VDR: variants seen among roughly 807,000 people sequenced by gnomAD.
VDR encodes vitamin D3 receptor.
A neutral mutation model predicts 39.7 loss-of-function variants in VDR; 19 were observed. The observed-to-expected ratio is 0.48, with a 90% CI of 0.33 to 0.70. The LOEUF (loss-of-function observed/expected upper bound fraction) is 0.70. Ranked by LOEUF, VDR falls within the 30% of genes least tolerant of loss-of-function variation. The pLI, the probability that VDR is intolerant of heterozygous loss-of-function variation, is 0.02. For missense variants in VDR, 442 were observed against 570.5 expected, an observed-to-expected ratio of 0.77 and a Z score of 2.29; for synonymous variants, 242 against 215.8, an observed-to-expected ratio of 1.12 and a Z score of -1.07.
At chr12:47,870,967 C>T (rs1351002142) in intron 3 of VDR, among the ~76,000 whole-genome samples, 2 of 152,166 alleles carry the variant, frequency 1.3e-5, no homozygotes, top group East Asian at 1.9e-4. Context: ...AAAAGACCTA[C>T]ATCAAATGAT....
intron 7 of VDR, among the ~76,000 whole-genome samples, chr12:47,850,830 G>A (rs576366863): frequency 5.3e-5 from 8 of 151,976 alleles, no homozygotes; most frequent in South Asian, 4.2e-4. Context: ...TTGCTGTTTC[G>A]TCTTTCCCAC....
At chr12:47,886,202 CAGG>C (rs1946249289) in intron 1 of VDR, among the ~76,000 whole-genome samples, 1 of 152,228 alleles carries the variant, frequency 6.6e-6, no homozygotes, top group African/African-American at 2.4e-5. Flanking sequence ...TGGGCTTTTC[CAGG>C]AGAAGATATG....
chr12:47,874,549 C>A (rs903519000), intron 3 of VDR, among the ~76,000 whole-genome samples: 4 of 152,204 alleles, frequency 2.6e-5, no homozygotes, highest in African/African-American at 9.7e-5. Flanking sequence ...TAACAAAGTC[C>A]TCAAGAACCT....
At chr12:47,885,658 A>G (rs1946238545) in intron 1 of VDR, among the ~76,000 whole-genome samples, 2 of 152,234 alleles carry the variant, frequency 1.3e-5, no homozygotes, top group Non-Finnish European at 2.9e-5. Context: ...CTCTGAGAGC[A>G]TGCAACTCCA....
intron 3 of VDR, among the ~76,000 whole-genome samples, chr12:47,874,332 C>A (rs1177776659): frequency 6.6e-6 from 1 of 152,196 alleles, no homozygotes; most frequent in Non-Finnish European, 1.5e-5. Flanking sequence ...GCTGTTCCTC[C>A]CTTTTTTCTC....
At chr12:47,875,408 C>T (rs1433008501) in intron 3 of VDR, among the ~76,000 whole-genome samples, 1 of 152,202 alleles carries the variant, frequency 6.6e-6, no homozygotes, top group Non-Finnish European at 1.5e-5. Flanking sequence ...CCTGTCATCT[C>T]TGTGTTCCCA....
chr12:47,891,001 G>A (rs555611663), intron 1 of VDR, among the ~76,000 whole-genome samples: 5 of 152,222 alleles, frequency 3.3e-5, no homozygotes, highest in Admixed American at 2.6e-4. Flanking sequence ...CCCTATCCAG[G>A]GTGGCCAGGC....
chr12:47,872,855 G>T (rs1183839893), intron 3 of VDR, among the ~76,000 whole-genome samples: 1 of 152,230 alleles, frequency 6.6e-6, no homozygotes, highest in Non-Finnish European at 1.5e-5. Context: ...ACCACTGGAA[G>T]CTTTCTAGGT....
intron 7 of VDR, among the ~76,000 whole-genome samples, chr12:47,853,640 T>G (rs1276529678): frequency 6.6e-6 from 1 of 151,396 alleles, no homozygotes; most frequent in Non-Finnish European, 1.5e-5. Context: ...CTGTAATTTC[T>G]GCTACTCAGG....
At chr12:47,896,159 A>G (rs1026964212) in intron 1 of VDR, among the ~76,000 whole-genome samples, 4 of 152,248 alleles carry the variant, frequency 2.6e-5, no homozygotes, top group East Asian at 1.9e-4. Flanking sequence ...TGAGGAGTCC[A>G]TGAGATAATC....
At chr12:47,868,765 CT>C (rs5798048) in intron 3 of VDR, among the ~76,000 whole-genome samples, 97,752 of 144,330 alleles carry the variant, frequency 0.68, 32,751 homozygotes, top group East Asian at 0.94. Flanking sequence ...CTCTCATTTC[CT>C]TTTTTTTTTT....
Position 47,882,740 on chromosome 12 carries a change from G to A in VDR, c.-49C>T. On this transcript the variant is annotated 5_prime_UTR_variant, in exon 2 of 10. Transcript: ENST00000549336. ...AAGTGGAGCCCAGGGGTGCTCTTCT[G>A]TGAGGTCTCACAGACACTTCAGACC... 2.6e-6 allele frequency: 4 copies of A among 1,531,980 alleles called. No homozygotes were observed. Among genetic ancestry groups the A allele is most frequent in the East Asian group, 2.5e-5 (1 of 40,728 alleles). The allele number at this position is 1,531,980 out of a possible 1,614,324, so 94.9% of individuals were successfully genotyped here.
chr12:47,867,301 C>T (rs1204408364), intron 3 of VDR, among the ~76,000 whole-genome samples: 1 of 152,076 alleles, frequency 6.6e-6, no homozygotes, highest in African/African-American at 2.4e-5. Flanking sequence ...TTTCACTGAG[C>T]CGAGATTGTG....
At chr12:47,900,016 G>A (rs1452846962) in intron 1 of VDR, 27 of 916,064 alleles carry the variant, frequency 2.9e-5, no homozygotes, top group Non-Finnish European at 3.1e-5. Flanking sequence ...CTCCCCATTG[G>A]CCAATGGGAC....
chr12:47,871,280 T>TTC (rs1945851539), intron 3 of VDR, among the ~76,000 whole-genome samples: 1 of 145,312 alleles, frequency 6.9e-6, no homozygotes, highest in Non-Finnish European at 1.5e-5. Context: ...TCTTTTCTCT[T>TTC]TCTTTCTCTT....
chr12:47,877,338 C>A (rs1946028722), intron 3 of VDR, among the ~76,000 whole-genome samples: 2 of 152,178 alleles, frequency 1.3e-5, no homozygotes, highest in South Asian at 4.1e-4. Flanking sequence ...GGTGACCCAT[C>A]AGGCTCAAAA....
At chr12:47,900,352 G>A (rs1019658185) in intron 1 of VDR, among the ~76,000 whole-genome samples, 5 of 152,206 alleles carry the variant, frequency 3.3e-5, no homozygotes, top group African/African-American at 9.6e-5. Flanking sequence ...TACTGCGGGT[G>A]TATAATGTAC....
At chr12:47,874,046 G>T (rs1424826989) in intron 3 of VDR, among the ~76,000 whole-genome samples, 2 of 152,164 alleles carry the variant, frequency 1.3e-5, no homozygotes, top group African/African-American at 4.8e-5. Flanking sequence ...AGAAATAAAA[G>T]AATGACAAAA....
intron 7 of VDR, among the ~76,000 whole-genome samples, chr12:47,848,555 C>CTTTTTTTTTTTTTTTTTTTT (rs1162881183): frequency 1.7e-5 from 1 of 58,116 alleles, no homozygotes; most frequent in Non-Finnish European, 2.9e-5. Context: ...TTTTCTACTC[C>CTTTTTTTTTTTTTTTTTTTT]TTTTTTTTTT....
Sources: gnomAD v4.1 joint callset for allele counts (sites outside exome capture counted in the v4.1 genomes callset) on GRCh38, gnomAD v4.1.1 for gene constraint, MANE v1.5 for transcripts, NCBI Gene and HGNC (gene_info 2026-07-23, HGNC 2026-07-21) for gene names.